The following POC1B variants were observed in gnomAD, a reference collection of about 807,000 sequenced individuals.
POC1B encodes the protein POC1 centriolar protein homolog B.
A neutral mutation model predicts 60.6 loss-of-function variants in POC1B; 44 were observed. The ratio of observed to expected loss-of-function variants is 0.73; its 90% CI spans 0.57 to 0.93. POC1B has a LOEUF of 0.93. POC1B is among the 40% of genes least tolerant of loss of function. The pLI is 0.00. For synonymous variants in POC1B, 180 were observed against 198.9 expected (o/e 0.90, Z 0.80); for missense variants, 555 against 572.3 (o/e 0.97, Z 0.31).
At chr12:89,470,821 A>G (rs1352940497) in intron 6 of POC1B, among the ~76,000 whole-genome samples, 1 of 152,210 alleles carries the variant, frequency 6.6e-6, no homozygotes, top group Non-Finnish European at 1.5e-5. Context: ...TCTCAAATTA[A>G]AGGTAATAAC....
chr12:89,459,828 A>ACCAATATATT, intron 9 of POC1B, 110 bp from the exon 10 acceptor site: 2 of 581,478 alleles, frequency 3.4e-6, no homozygotes, highest in Non-Finnish European at 5.7e-6. Flanking sequence ...ATTAAAATAT[A>ACCAATATATT]TTGGTATATT....
chr12:89,424,179 C>G (rs1202226978), intron 11 of POC1B, among the ~76,000 whole-genome samples: 1 of 152,152 alleles, frequency 6.6e-6, no homozygotes, highest in Non-Finnish European at 1.5e-5. Flanking sequence ...GAGGTGATAA[C>G]TACAGGATAA....
chr12:89,420,739 TTGGAGGTAAG>T lies in POC1B; in HGVS notation c.*404_*413del, dbSNP rs1304902840. On this transcript the variant is annotated 3_prime_UTR_variant, in exon 12 of 12. Transcript: ENST00000313546. ...CATTATTGGCATATAGGATGCTATT[TTGGAGGTAAG>T]TGAATTATTTCACCCCATGACTGTC... is the stretch of plus-strand genomic sequence containing the variant. 2 of 157,402 alleles carry T rather than the reference TTGGAGGTAAG, an allele frequency of 1.3e-5. No homozygotes were observed. The highest frequency in any genetic ancestry group is 4.8e-5 in the African/African-American group (2 of 41,624). 9.8% of individuals were successfully genotyped at this position (157,402 alleles called of 1,614,324 possible). A position where few individuals can be genotyped will look rare whatever the true frequency, so the allele number is the denominator to read the frequency against.
chr12:89,431,379 T>C (rs1199219957), intron 10 of POC1B, among the ~76,000 whole-genome samples: 5 of 152,078 alleles, frequency 3.3e-5, no homozygotes, highest in East Asian at 3.9e-4. Flanking sequence ...GGAAATTCAA[T>C]TGAATGCCTT....
intron 2 of POC1B, among the ~76,000 whole-genome samples, chr12:89,514,402 CTTTTTTTTTTTTTTTTT>C (rs60679774): frequency 1.5e-5 from 1 of 67,088 alleles, no homozygotes; most frequent in African/African-American, 6.0e-5. Flanking sequence ...TCATGTATTT[CTTTTTTTTTTTTTTTTT>C]TTTTTTTTAG....
intron 2 of POC1B, among the ~76,000 whole-genome samples, chr12:89,515,345 G>T (rs1345403519): frequency 4.6e-5 from 7 of 151,768 alleles, no homozygotes; most frequent in Admixed American, 4.6e-4. Context: ...TGTTCCCCAG[G>T]CTGGTCTCAA....
At position 89,491,883 on chromosome 12, in the gene POC1B, C is replaced by T. The variant is rs985315890; in HGVS notation, c.452+53G>A. 3.6e-6 allele frequency: 5 copies of T among 1,397,948 alleles called. No homozygotes were observed. The African/African-American group carries it at 7.2e-5, about 20-fold the overall frequency. 86.6% of individuals were successfully genotyped at this position (1,397,948 alleles called of 1,614,324 possible). On this transcript the variant is annotated intron_variant, in intron 4 of 11. Coordinates refer to ENST00000313546, the MANE Select transcript of POC1B (RefSeq NM_172240.3). ...CCTTTTTCTGGAAGTTGGGGGCAAA[C>T]ATGAAGCAGAAAAAATATGTGGACA...
chr12:89,413,124 C>A, the POC1B span, among the ~76,000 whole-genome samples: 1 of 152,142 alleles, frequency 6.6e-6, no homozygotes. Flanking sequence ...TTCTCAAATT[C>A]CTTATCTCAC....
chr12:89,499,961 G>A (rs916956363), intron 2 of POC1B: 7 of 640,762 alleles, frequency 1.1e-5, no homozygotes, highest in African/African-American at 7.3e-5. Context: ...GGCGGCCATC[G>A]CCTTCGACTT....
At chr12:89,402,525 C>T in the POC1B span, among the ~76,000 whole-genome samples, 1 of 152,088 alleles carries the variant, frequency 6.6e-6, no homozygotes, top group African/African-American at 2.4e-5. Flanking sequence ...CTCCTCCCAC[C>T]CTCCACTCTC....
At chr12:89,426,393 A>C (rs1321049067) in intron 10 of POC1B, 3 of 152,224 alleles carry the variant, frequency 2.0e-5, no homozygotes, top group Non-Finnish European at 2.9e-5. Context: ...TAAAATGATA[A>C]ATTTTACATT....
At chr12:89,418,033 CA>C (rs1247960874), downstream of POC1B, among the ~76,000 whole-genome samples, 1 of 152,118 alleles carries the variant, frequency 6.6e-6, no homozygotes, top group Non-Finnish European at 1.5e-5. Context: ...AGTTGCTTAC[CA>C]GGGGAAGACA....
At chr12:89,453,606 T>C (rs1202103315) in intron 10 of POC1B, among the ~76,000 whole-genome samples, 3 of 152,204 alleles carry the variant, frequency 2.0e-5, no homozygotes, top group Middle Eastern at 3.2e-3. Context: ...TGCCACCATA[T>C]AAACTGCTGC....
At chr12:89,410,086 A>G in the POC1B span, among the ~76,000 whole-genome samples, 1 of 152,236 alleles carries the variant, frequency 6.6e-6, no homozygotes, top group Non-Finnish European at 1.5e-5. Context: ...ATCCAGCAGC[A>G]CATCAAAAAG....
At chr12:89,424,442 A>C (rs779110084) in intron 11 of POC1B, among the ~76,000 whole-genome samples, 1 of 152,194 alleles carries the variant, frequency 6.6e-6, no homozygotes, top group Non-Finnish European at 1.5e-5. Flanking sequence ...AGCAATTGAC[A>C]TCTCTGTAGT....
At position 89,500,879 on chromosome 12, in the gene POC1B, A is replaced by G. The variant is rs182525364; in HGVS notation, c.101-3537T>C. The G allele has an allele frequency of 3.0e-4, 320 of 1,072,558 alleles. 1 individual carries two copies. In the African/African-American group the frequency reaches 4.6e-3, roughly 15 times the overall value. 66.4% of individuals were successfully genotyped at this position (1,072,558 alleles called of 1,614,324 possible). ...AATATGAAATTCAATGACAAGCTAA[A>G]AAAAGTTTTTCAACATTGTTTTTAG... is the stretch of plus-strand genomic sequence containing the variant. On this transcript the variant is annotated intron_variant, in intron 2 of 11. Coordinates refer to ENST00000313546, the MANE Select transcript of POC1B (RefSeq NM_172240.3).
At chr12:89,500,031 G>A in intron 2 of POC1B, 1 of 1,068,168 alleles carries the variant, frequency 9.4e-7, no homozygotes, top group East Asian at 2.6e-5. Context: ...TCGGCCTCCT[G>A]GAGCTGTGGT....
intron 2 of POC1B, among the ~76,000 whole-genome samples, chr12:89,514,402 C>A (rs376507354): frequency 1.5e-5 from 1 of 67,094 alleles, no homozygotes; most frequent in Admixed American, 2.3e-4. Context: ...TCATGTATTT[C>A]TTTTTTTTTT....
chr12:89,518,651 C>A (rs1870599269), intron 2 of POC1B, among the ~76,000 whole-genome samples: 2 of 152,154 alleles, frequency 1.3e-5, no homozygotes, highest in African/African-American at 4.8e-5. Context: ...GCCAAAAATT[C>A]ATCTCTGTTA....
Sources: allele counts gnomAD v4.1 joint callset (sites outside exome capture counted in the v4.1 genomes callset), GRCh38; gene constraint gnomAD v4.1.1; transcripts MANE v1.5; gene names NCBI Gene and HGNC (gene_info 2026-07-23, HGNC 2026-07-21).